CD53: variants seen among roughly 807,000 people sequenced by gnomAD.
The protein encoded by CD53 is CD53 molecule, also known as leukocyte surface antigen CD53.
In CD53, 20 loss-of-function variants were observed where a neutral mutation model predicts 27.3. The ratio of observed to expected loss-of-function variants is 0.73; its 90% CI spans 0.52 to 1.07. CD53 has a LOEUF of 1.07. Ranked by LOEUF, CD53 falls within the 50% of genes least tolerant of loss-of-function variation. The pLI, the probability that CD53 is intolerant of heterozygous loss-of-function variation, is 0.00. For missense variants in CD53, 216 were observed against 264.0 expected, an observed-to-expected ratio of 0.82 and a Z score of 1.26; for synonymous variants, 106 against 105.3, an observed-to-expected ratio of 1.01 and a Z score of -0.04.
At chr1:110,883,273 T>C (rs749560641) in intron 1 of CD53, among the ~76,000 whole-genome samples, 2 of 151,990 alleles carry the variant, frequency 1.3e-5, no homozygotes, top group African/African-American at 4.8e-5. Flanking sequence ...AAAATAGATG[T>C]TGAATTTTGT....
chr1:110,898,493 C>T (rs1424535865), intron 7 of CD53, among the ~76,000 whole-genome samples: 2 of 151,888 alleles, frequency 1.3e-5, no homozygotes, highest in African/African-American at 2.4e-5. Context: ...CCACTGTGAT[C>T]CCTCCTCAGC....
At position 110,894,348 on chromosome 1, in the gene CD53, ATCC is replaced by A; in HGVS notation, c.279_281del (p.Leu94del). Reference sequence around the variant, plus strand: ...CCAGTTCTTCATCCTGCTGCTGATTATCCTCCTTGCTGAGGTGACCTTGGCCAT... The same window carrying A: ...CCAGTTCTTCATCCTGCTGCTGATTATCCTTGCTGAGGTGACCTTGGCCAT... On this transcript the variant is annotated inframe_deletion, in exon 4 of 8. Transcript: ENST00000271324. 6.2e-7 allele frequency: 1 copy of A among 1,614,106 alleles called. No individual in the cohort carries two copies. Among genetic ancestry groups the A allele is most frequent in the East Asian group, 2.2e-5 (1 of 44,886 alleles).
intron 1 of CD53, among the ~76,000 whole-genome samples, chr1:110,882,781 AAC>A (rs1375872267): frequency 1.3e-5 from 2 of 152,010 alleles, no homozygotes. Context: ...ATTCTTTCAC[AAC>A]TTTTGTCAGA....
At chr1:110,891,209 T>A (rs1347293513) in intron 1 of CD53, among the ~76,000 whole-genome samples, 183 bp from the exon 2 acceptor site, 1 of 152,256 alleles carries the variant, frequency 6.6e-6, no homozygotes, top group Non-Finnish European at 1.5e-5. Flanking sequence ...ACTGAATGTC[T>A]AAGATGAGCC....
intron 1 of CD53, 70 bp downstream of exon 1, chr1:110,873,318 A>G (rs1656018638): frequency 6.6e-6 from 1 of 152,624 alleles, no homozygotes; most frequent in Non-Finnish European, 1.5e-5. Context: ...AGGGGTCTCC[A>G]TATACCTCTC....
chr1:110,879,274 A>G (rs1656254322), intron 1 of CD53, among the ~76,000 whole-genome samples: 1 of 152,160 alleles, frequency 6.6e-6, no homozygotes, highest in African/African-American at 2.4e-5. Context: ...CCCTCAGAAC[A>G]ACCTCTGAGG....
In CD53 at chr1:110,894,334, T is replaced by C; in HGVS notation, c.260T>C (p.Ile87Thr). The C allele has an allele frequency of 6.2e-7, 1 of 1,614,066 alleles. No homozygotes were observed. Among genetic ancestry groups the C allele is most frequent in the Non-Finnish European group, 8.5e-7 (1 of 1,179,912 alleles). Residue 87 changes from isoleucine (I) to threonine (T), a missense_variant, in exon 4 of 8, where the codon ATC becomes ACC. Ile to Thr is a moderately conservative substitution (Grantham distance 89). Transcript: ENST00000271324. Reference sequence around the variant, plus strand: ...GTATCTGCTTTGTCCCAGTTCTTCATCCTGCTGCTGATTATCCTCCTTGCT... The same window carrying C: ...GTATCTGCTTTGTCCCAGTTCTTCACCCTGCTGCTGATTATCCTCCTTGCT... ...ENKCLLMSFF[I>T]LLLIILLAEV...
intron 1 of CD53, among the ~76,000 whole-genome samples, chr1:110,886,869 A>ATATATATATATATATATATATTTTT (rs1298376721): frequency 1.8e-4 from 15 of 82,760 alleles, no homozygotes; most frequent in Non-Finnish European, 2.9e-4. Flanking sequence ...ATATATATAT[A>ATATATATATATATATATATATTTTT]TTTTTTTTTT....
At position 110,889,387 on chromosome 1, in the gene CD53, T is replaced by G. The variant is rs150089905; in HGVS notation, c.-17-2005T>G. Among the ~76,000 whole-genome samples the G allele has an allele frequency of 2.8e-3, 427 of 151,614 alleles. 3 individuals carry two copies. Among genetic ancestry groups the G allele is most frequent in the African/African-American group, 0.01 (415 of 41,322 alleles). ...CTGGCCAACATGGTGAAACCCCGTC[T>G]CTACTAAAAAAAAATACAAAAATTA... On this transcript the variant is annotated intron_variant, in intron 1 of 7. Transcript: ENST00000271324.
chr1:110,892,667 C>A, intron 3 of CD53, 134 bp downstream of exon 3: 1 of 745,150 alleles, frequency 1.3e-6, no homozygotes, highest in Non-Finnish European at 2.3e-6. Flanking sequence ...TCAGATCAGC[C>A]AAGTCTGCCC....
At chr1:110,871,453 T>C (rs992603056), upstream of CD53, among the ~76,000 whole-genome samples, 1 of 151,998 alleles carries the variant, frequency 6.6e-6, no homozygotes, top group Non-Finnish European at 1.5e-5. Flanking sequence ...CTTTCCTGGA[T>C]GGTGGACATG....
intron 1 of CD53, among the ~76,000 whole-genome samples, chr1:110,874,333 T>A (rs2101034316): frequency 6.6e-6 from 1 of 152,316 alleles, no homozygotes; most frequent in Non-Finnish European, 1.5e-5. Context: ...TAAATTCACT[T>A]AATAATCAAG....
upstream of CD53, among the ~76,000 whole-genome samples, chr1:110,871,259 G>C (rs751277232): frequency 1.3e-5 from 2 of 152,172 alleles, no homozygotes; most frequent in South Asian, 4.1e-4. Flanking sequence ...CTGTAACACA[G>C]GTAAAAGATA....
intron 1 of CD53, among the ~76,000 whole-genome samples, chr1:110,884,234 C>T (rs554697161): frequency 6.6e-6 from 1 of 152,184 alleles, no homozygotes; most frequent in South Asian, 2.1e-4. Flanking sequence ...ATTCAGAATT[C>T]TAATTTTCTC....
intron 1 of CD53, among the ~76,000 whole-genome samples, chr1:110,884,576 C>G (rs1438180645): frequency 6.6e-6 from 1 of 152,094 alleles, no homozygotes; most frequent in African/African-American, 2.4e-5. Flanking sequence ...TCAAGTATAA[C>G]TTATACTTGT....
intron 5 of CD53, 37 bp downstream of exon 5, chr1:110,895,092 A>T (rs1022646235): frequency 6.8e-7 from 1 of 1,472,820 alleles, no homozygotes. Flanking sequence ...ATCAGCCCAG[A>T]CTTCATTTTC....
At chr1:110,878,438 TGTATATGGAGAAG>T in intron 1 of CD53, among the ~76,000 whole-genome samples, 1 of 152,336 alleles carries the variant, frequency 6.6e-6, no homozygotes, top group Admixed American at 6.5e-5. Flanking sequence ...TATAGAGAAA[TGTATATGGAGAAG>T]TGTCTGGAAA....
intron 4 of CD53, 67 bp from the exon 5 acceptor site, chr1:110,894,893 A>C: frequency 8.1e-7 from 1 of 1,230,824 alleles, no homozygotes; most frequent in Non-Finnish European, 1.2e-6. Context: ...CCTATACTGG[A>C]AATTCCTTAT....
At chr1:110,876,747 G>C (rs368616160) in intron 1 of CD53, among the ~76,000 whole-genome samples, 1 of 152,000 alleles carries the variant, frequency 6.6e-6, no homozygotes, top group African/African-American at 2.4e-5. Flanking sequence ...GAATCCCTTA[G>C]ATCATTTATT....
Sources: gnomAD v4.1 joint callset for allele counts (sites outside exome capture counted in the v4.1 genomes callset) on GRCh38, gnomAD v4.1.1 for gene constraint, MANE v1.5 for transcripts, NCBI Gene and HGNC (gene_info 2026-07-23, HGNC 2026-07-21) for gene names.